INPP1: variants seen among roughly 807,000 people sequenced by gnomAD.
The protein encoded by INPP1 is inositol polyphosphate 1-phosphatase.
Under a neutral mutation model 23.0 loss-of-function variants are expected in INPP1, and 18 were observed. The observed-to-expected ratio is 0.78, with a 90% confidence interval of 0.54 to 1.16. The LOEUF (loss-of-function observed/expected upper bound fraction) is 1.16. Among genes scored for constraint, INPP1 ranks in the 50% most tolerant of loss-of-function variants. The probability of loss-of-function intolerance (pLI) is 0.00; values close to 1 mark genes in which losing one functional copy is unlikely to be tolerated. For missense variants in INPP1, 448 were observed against 482.1 expected, an observed-to-expected ratio of 0.93 and a Z score of 0.66; for synonymous variants, 164 against 176.3, an observed-to-expected ratio of 0.93 and a Z score of 0.55.
intron 2 of INPP1, among the ~76,000 whole-genome samples, chr2:190,351,039 A>C (rs543996673): frequency 1.3e-5 from 2 of 152,374 alleles, no homozygotes; most frequent in East Asian, 3.9e-4. Context: ...ACAGTGTGAC[A>C]AGGATGAATT....
chr2:190,365,970 G>A (rs9784052), intron 4 of INPP1, among the ~76,000 whole-genome samples: 9 of 18,334 alleles, frequency 4.9e-4, no homozygotes, highest in Admixed American at 3.8e-3. Context: ...GCTCTCTCTC[G>A]CTCTCTCGCT....
chr2:190,360,331 A>C, intron 3 of INPP1, 25 bp downstream of exon 3: 1 of 1,603,384 alleles, frequency 6.2e-7, no homozygotes, highest in East Asian at 2.2e-5. Context: ...AGCCAAGGTA[A>C]CTGCAAAATA....
At chr2:190,353,875 G>A (rs542737715) in intron 2 of INPP1, among the ~76,000 whole-genome samples, 1 of 152,276 alleles carries the variant, frequency 6.6e-6, no homozygotes, top group East Asian at 1.9e-4. Context: ...ATTTATCTTT[G>A]TGGAGAGGTT....
intron 6 of INPP1, among the ~76,000 whole-genome samples, chr2:190,370,285 T>C (rs1020696296): frequency 6.6e-6 from 1 of 152,178 alleles, no homozygotes; most frequent in African/African-American, 2.4e-5. Flanking sequence ...TGTAAATATG[T>C]AACAACATAG....
chr2:190,359,449 C>T (rs902518678), intron 2 of INPP1, among the ~76,000 whole-genome samples: 3 of 151,122 alleles, frequency 2.0e-5, no homozygotes, highest in Admixed American at 6.6e-5. Flanking sequence ...CCCACCTACT[C>T]GGGAGGCTGA....
rs1189828577 is a variant in INPP1 at position 190,354,257 on chromosome 2, C to A, written c.-65+5226C>A. 6.6e-6 allele frequency among the ~76,000 whole-genome samples: 1 copy of A among 152,152 alleles called. No homozygotes were observed. Among genetic ancestry groups the A allele is most frequent in the East Asian group, 1.9e-4 (1 of 5,202 alleles). ...ACATAAATGGGGAGGAAAACACTAT[C>A]CCATTTTCACTTTTGGCCAGAAAAC... On this transcript the variant is annotated intron_variant, in intron 2 of 6. Transcript: ENST00000392329. The surrounding 1 kb of genome is among the most constrained non-coding windows in gnomAD (Gnocchi z 4.8).
chr2:190,370,722 G>A (rs1431894004), intron 6 of INPP1, 122 bp from the exon 7 acceptor site: 4 of 735,410 alleles, frequency 5.4e-6, no homozygotes, highest in Non-Finnish European at 9.1e-6. Context: ...AGACTTAAAG[G>A]TGTTAAGATT....
intron 2 of INPP1, 27 bp from the exon 3 acceptor site, chr2:190,360,012 C>A: frequency 7.4e-7 from 1 of 1,345,622 alleles, no homozygotes; most frequent in Non-Finnish European, 1.0e-6. Context: ...GAACTGCTTT[C>A]TCTTTCACAT....
At position 190,345,791 on chromosome 2, in the gene INPP1, C is replaced by G. The variant is rs1055729548; in HGVS notation, c.-209+1830C>G. Among the ~76,000 whole-genome samples the G allele has an allele frequency of 6.6e-6, 1 of 152,102 alleles. No homozygotes were observed. The highest frequency in any genetic ancestry group is 2.4e-5 in the African/African-American group (1 of 41,432). ...GGTGGATCACTTGAGGTTAGGAGTT[C>G]GAGACCAGCCTGGCCAACATGGTGA... On this transcript the variant is annotated intron_variant, in intron 1 of 6. Transcript: ENST00000392329. This position sits in a 1 kb window ranked among gnomAD's most constrained non-coding sequence, Gnocchi z 4.9.
At chr2:190,353,751 A>T (rs1340453457) in intron 2 of INPP1, among the ~76,000 whole-genome samples, 1 of 152,240 alleles carries the variant, frequency 6.6e-6, no homozygotes, top group Non-Finnish European at 1.5e-5. Flanking sequence ...GGCCTTTCTG[A>T]TTCAAAAGCC....
rs967894958 is a variant in INPP1, at chr2:190,360,232, A to G, written c.130A>G (p.Lys44Glu). ...EEKKEGEKNK[K>E]FAVDFKTLAD... The stretch of plus-strand genomic sequence containing the variant: ...AAAGAAAGAGGGAGAAAAGAACAAG[A>G]AGTTTGCAGTTGACTTCAAGACGCT... The change falls in exon 3 of 7, where the codon AAG becomes GAG. Residue 44 changes from lysine to glutamate, a missense_variant. Lys to Glu is a moderately conservative substitution (Grantham distance 56). Transcript: ENST00000392329. The G allele has an allele frequency of 6.2e-7, 1 of 1,614,230 alleles. No homozygotes were observed. The highest frequency in any genetic ancestry group is 1.1e-5 in the South Asian group (1 of 91,086).
chr2:190,362,052 A>G (rs1323757244), intron 3 of INPP1, among the ~76,000 whole-genome samples: 1 of 152,224 alleles, frequency 6.6e-6, no homozygotes, highest in Non-Finnish European at 1.5e-5. Context: ...TTCACTCTAT[A>G]TATTGATACT....
At position 190,355,812 on chromosome 2, in the gene INPP1, G is replaced by C. The variant is rs532611454; in HGVS notation, c.-64-4227G>C. Reference sequence around the variant, plus strand: ...TTTAAAAAATCATCTACTTCATCACGCAGTTATCAAGCCTAGTACCCATTA... The same window carrying C: ...TTTAAAAAATCATCTACTTCATCACCCAGTTATCAAGCCTAGTACCCATTA... On this transcript the variant is annotated intron_variant, in intron 2 of 6. Transcript: ENST00000392329. The surrounding 1 kb of genome is among the most constrained non-coding windows in gnomAD (Gnocchi z 5.1). 1.4e-4 allele frequency among the ~76,000 whole-genome samples: 21 copies of C among 152,144 alleles called. No homozygotes were observed. Among genetic ancestry groups the C allele is most frequent in the African/African-American group, 5.1e-4 (21 of 41,508 alleles).
rs1033992270 is a variant in INPP1 at position 190,371,655 on chromosome 2, A to G, written c.*253A>G. The G allele has an allele frequency of 3.8e-5, 12 of 314,474 alleles. No individual in the cohort carries two copies. Among genetic ancestry groups the G allele is most frequent in the Admixed American group, 1.4e-4 (3 of 21,484 alleles). 19.5% of individuals were successfully genotyped at this position (314,474 alleles called of 1,614,324 possible). ...GCTGCTTGAAACATTTCAATAAAAT[A>G]TTGACCAGGAGCAGTGGCTCATGCC... On this transcript the variant is annotated 3_prime_UTR_variant, in exon 7 of 7. Transcript: ENST00000392329. This position sits in a 1 kb window ranked among gnomAD's most constrained non-coding sequence, Gnocchi z 5.3.
In INPP1 at chr2:190,346,281, A is replaced by T. The variant is rs1689213337; in HGVS notation, c.-209+2320A>T. The stretch of plus-strand genomic sequence containing the variant: ...CAAAAAAGGTGAGTTTGGGAAATGC[A>T]GGTGGGAAATGACTATTGTTGGAAT... On this transcript the variant is annotated intron_variant, in intron 1 of 6. Coordinates refer to ENST00000392329, the MANE Select transcript of INPP1 (RefSeq NM_001128928.2). The surrounding 1 kb of genome is among the most constrained non-coding windows in gnomAD (Gnocchi z 5.1). 2.0e-5 allele frequency among the ~76,000 whole-genome samples: 3 copies of T among 152,246 alleles called. No individual in the cohort carries two copies. Among genetic ancestry groups the T allele is most frequent in the Admixed American group, 2.0e-4 (3 of 15,286 alleles).
intron 4 of INPP1, among the ~76,000 whole-genome samples, chr2:190,366,431 CTCACTCTG>C (rs1689674344): frequency 6.7e-6 from 1 of 150,058 alleles, no homozygotes; most frequent in Non-Finnish European, 1.5e-5. Flanking sequence ...CTCACTCTGT[CTCACTCTG>C]TCTCACTCTC....
chr2:190,343,943 G>T lies in INPP1; in HGVS notation c.-227G>T. ...GGGAAAGGCTGCTGCCTCCTGCTCT[G>T]TCCTCATCCCCGGCTTAGGTAACAC... On this transcript the variant is annotated 5_prime_UTR_variant, in exon 1 of 7. Transcript: ENST00000392329. The T allele has an allele frequency of 4.3e-6, 1 of 230,722 alleles. No individual in the cohort carries two copies. The allele number at this position is 230,722 out of a possible 1,614,324, so 14.3% of individuals were successfully genotyped here. A position where few individuals can be genotyped will look rare whatever the true frequency, so the allele number is the denominator to read the frequency against.
chr2:190,359,938 G>A, intron 2 of INPP1, 101 bp from the exon 3 acceptor site: 1 of 618,500 alleles, frequency 1.6e-6, no homozygotes, highest in Non-Finnish European at 2.9e-6. Context: ...TGTTCACCAG[G>A]CTGACCAGGT....
At position 190,371,623 on chromosome 2, in the gene INPP1, T is replaced by C; in HGVS notation, c.*221T>C. ...GAAATTCTTACAGTGAATATTGTGC[T>C]GTTAGTGCTGCTTGAAACATTTCAA... On this transcript the variant is annotated 3_prime_UTR_variant, in exon 7 of 7. Transcript: ENST00000392329. The surrounding 1 kb of genome is among the most constrained non-coding windows in gnomAD (Gnocchi z 5.3). 2.4e-6 allele frequency: 1 copy of C among 410,886 alleles called. No individual in the cohort carries two copies. Among genetic ancestry groups the C allele is most frequent in the Non-Finnish European group, 4.3e-6 (1 of 233,312 alleles). The allele number at this position is 410,886 out of a possible 1,614,324, so 25.5% of individuals were successfully genotyped here.
Sources: allele counts gnomAD v4.1 joint callset (sites outside exome capture counted in the v4.1 genomes callset), GRCh38; gene constraint gnomAD v4.1.1; non-coding constraint Gnocchi (gnomAD v3.1); transcripts MANE v1.5; gene names NCBI Gene and HGNC (gene_info 2026-07-23, HGNC 2026-07-21).